Variants in CLRN1 observed in about 807,000 individuals in gnomAD.
The protein encoded by CLRN1 is clarin-1.
CLRN1 carries 15 observed loss-of-function variants against 18.7 expected under a neutral mutation model. That is an observed-to-expected ratio of 0.80 (90% confidence interval 0.54 to 1.23). The LOEUF is 1.23. CLRN1 is among the 50% of genes most tolerant of loss of function. The probability of loss-of-function intolerance (pLI) is 0.00; values close to 1 mark genes in which losing one functional copy is unlikely to be tolerated. For synonymous variants in CLRN1, 104 were observed against 102.9 expected (o/e 1.01, Z -0.07); for missense variants, 311 against 277.5 (o/e 1.12, Z -0.86).
chr3:150,956,432 A>G (rs112425655), intron 1 of CLRN1, among the ~76,000 whole-genome samples: 1 of 152,256 alleles, frequency 6.6e-6, no homozygotes, highest in African/African-American at 2.4e-5. Flanking sequence ...TAGTCAGAAA[A>G]AGAGAGCTAG....
chr3:150,947,256 T>C (rs1467025789), intron 1 of CLRN1, among the ~76,000 whole-genome samples: 1 of 151,006 alleles, frequency 6.6e-6, no homozygotes, highest in Non-Finnish European at 1.5e-5. Context: ...GGGGTTGCAA[T>C]CCTAATTTCA....
At chr3:150,931,369 GTTCTGCTCTGTCTCTC>G (rs1490418790) in intron 2 of CLRN1, among the ~76,000 whole-genome samples, 10 of 152,170 alleles carry the variant, frequency 6.6e-5, no homozygotes, top group Admixed American at 6.5e-4. Flanking sequence ...CATTTAGAGG[GTTCTGCTCTGTCTCTC>G]TTCTGGAGAG....
chr3:150,926,604 C>G lies in CLRN1; in HGVS notation c.*1332G>C. ...CTCGGTGTGTTCTGATGTCTGCTGG[C>G]GAATAGCGAATTGACACCAGAGCAA... On this transcript the variant is annotated 3_prime_UTR_variant, in exon 3 of 3. Coordinates refer to ENST00000327047, the MANE Select transcript of CLRN1 (RefSeq NM_174878.3). 2.9e-6 allele frequency: 2 copies of G among 687,284 alleles called. No homozygotes were observed. The highest frequency in any genetic ancestry group is 5.2e-6 in the Non-Finnish European group (2 of 381,924). The allele number at this position is 687,284 out of a possible 1,614,324, so 42.6% of individuals were successfully genotyped here.
chr3:150,972,045 G>C (rs1715561563), intron 1 of CLRN1, among the ~76,000 whole-genome samples: 2 of 152,178 alleles, frequency 1.3e-5, no homozygotes, highest in Non-Finnish European at 2.9e-5. Context: ...AAAATCATGA[G>C]AAAGGTGGCA....
intron 1 of CLRN1, among the ~76,000 whole-genome samples, chr3:150,955,287 T>A (rs1272785767): frequency 2.0e-5 from 3 of 152,140 alleles, no homozygotes; most frequent in Non-Finnish European, 4.4e-5. Flanking sequence ...CCGGGAGTGA[T>A]GGGTGTGTTC....
Position 150,943,708 on chromosome 3 carries a change from T to C in CLRN1, c.254-1947A>G, listed in dbSNP as rs6801898. The C allele has an allele frequency of 0.63, 982,807 of 1,570,184 alleles. 312,411 individuals are homozygous for C. Among genetic ancestry groups the C allele is most frequent in the Non-Finnish European group, 0.66 (753,808 of 1,145,512 alleles). On this transcript the variant is annotated intron_variant, in intron 1 of 2. Transcript: ENST00000327047. ...ACAGGCAGAGGGCAGCCACCCTACA[T>C]GATGAAGCAAAGGGCCCACTGAGCT...
chr3:150,928,681 G>A (rs984036514), intron 2 of CLRN1, among the ~76,000 whole-genome samples: 1 of 152,210 alleles, frequency 6.6e-6, no homozygotes, highest in Non-Finnish European at 1.5e-5. Context: ...CCCTTCAGAA[G>A]GGTTACCACA....
At chr3:150,948,480 T>A (rs1714301202) in intron 1 of CLRN1, among the ~76,000 whole-genome samples, 2 of 66,224 alleles carry the variant, frequency 3.0e-5, no homozygotes, top group Admixed American at 2.8e-4. Flanking sequence ...CGAGACTCCG[T>A]CTCAAAAAAA....
At chr3:150,933,941 A>G (rs16863080) in intron 2 of CLRN1, among the ~76,000 whole-genome samples, 32,781 of 152,040 alleles carry the variant, frequency 0.22, 4,170 homozygotes, top group South Asian at 0.39. Flanking sequence ...TCTAAGTTCT[A>G]TGCTGAGAAA....
chr3:150,970,206 C>T (rs1715465173), intron 1 of CLRN1, among the ~76,000 whole-genome samples: 1 of 152,138 alleles, frequency 6.6e-6, no homozygotes, highest in South Asian at 2.1e-4. Flanking sequence ...TTTATATGAA[C>T]AGGGCTTATA....
chr3:150,931,774 A>C (rs1425309764), intron 2 of CLRN1, among the ~76,000 whole-genome samples: 1 of 152,136 alleles, frequency 6.6e-6, no homozygotes, highest in African/African-American at 2.4e-5. Context: ...TCTTTTTCCC[A>C]GTTATCCATG....
chr3:150,930,678 A>T (rs1035107608), intron 2 of CLRN1, among the ~76,000 whole-genome samples: 2 of 152,172 alleles, frequency 1.3e-5, no homozygotes, highest in East Asian at 3.9e-4. Context: ...TGTGGAGAAA[A>T]TGCCATTCCT....
At chr3:150,935,606 C>T (rs573349573) in intron 2 of CLRN1, among the ~76,000 whole-genome samples, 2 of 149,472 alleles carry the variant, frequency 1.3e-5, no homozygotes, top group Admixed American at 6.7e-5. Context: ...AATAAACATA[C>T]ATGTGCATGT....
chr3:150,960,959 C>A (rs951648921), intron 1 of CLRN1, among the ~76,000 whole-genome samples: 3 of 152,184 alleles, frequency 2.0e-5, no homozygotes, highest in Middle Eastern at 3.2e-3. Flanking sequence ...AACTGGTGGG[C>A]AGATTTGGAA....
intron 1 of CLRN1, among the ~76,000 whole-genome samples, chr3:150,956,996 C>T (rs1341893244): frequency 6.7e-6 from 1 of 148,372 alleles, no homozygotes. Context: ...TGACAGAACT[C>T]CATTGCCACC....
At chr3:150,957,446 T>C (rs1288266118) in intron 1 of CLRN1, among the ~76,000 whole-genome samples, 2 of 152,204 alleles carry the variant, frequency 1.3e-5, no homozygotes, top group African/African-American at 4.8e-5. Flanking sequence ...AATGGTCTCC[T>C]GTGATGTTCT....
At chr3:150,958,074 C>CT (rs1207194134) in intron 1 of CLRN1, among the ~76,000 whole-genome samples, 2 of 152,178 alleles carry the variant, frequency 1.3e-5, no homozygotes, top group Admixed American at 1.3e-4. Flanking sequence ...CCTCAGGCCT[C>CT]TCTCAAAACC....
At chr3:150,958,505 G>T (rs1487016916) in intron 1 of CLRN1, among the ~76,000 whole-genome samples, 3 of 152,128 alleles carry the variant, frequency 2.0e-5, no homozygotes, top group African/African-American at 7.2e-5. Context: ...TCCTGTTCTG[G>T]TTCCTGCCTT....
At position 150,927,413 on chromosome 3, in the gene CLRN1, C is replaced by CCT; in HGVS notation, c.*522_*523insAG. 2.2e-6 allele frequency: 1 copy of CCT among 449,364 alleles called. No individual in the cohort carries two copies. Among genetic ancestry groups the CCT allele is most frequent in the South Asian group, 1.6e-5 (1 of 63,012 alleles). The allele number at this position is 449,364 out of a possible 1,614,324, so 27.8% of individuals were successfully genotyped here. A position where few individuals can be genotyped will look rare whatever the true frequency, so the allele number is the denominator to read the frequency against. On this transcript the variant is annotated 3_prime_UTR_variant, in exon 3 of 3. Transcript: ENST00000327047. ...GTGCTGGAATTACAGGTGTGAGTCA[C>CCT]CACGCCTGGCCTAAGAGTATACTTT...
Sources: allele counts gnomAD v4.1 joint callset (sites outside exome capture counted in the v4.1 genomes callset), GRCh38; gene constraint gnomAD v4.1.1; transcripts MANE v1.5; gene names NCBI Gene and HGNC (gene_info 2026-07-23, HGNC 2026-07-21).